The following CCDC102B variants were observed in gnomAD, a reference collection of about 807,000 sequenced individuals.
The protein encoded by CCDC102B is coiled-coil domain-containing protein 102B.
A neutral mutation model predicts 57.4 loss-of-function variants in CCDC102B; 75 were observed. The observed-to-expected ratio is 1.31, with a 90% CI of 1.08 to 1.58. CCDC102B has a LOEUF of 1.58. Ranked by LOEUF, CCDC102B falls within the 40% of genes most tolerant of loss-of-function variation. CCDC102B has a pLI of 0.00. For missense variants in CCDC102B, 636 were observed against 582.6 expected (o/e 1.09, Z -0.94); for synonymous variants, 206 against 201.9 (o/e 1.02, Z -0.17).
intron 6 of CCDC102B, among the ~76,000 whole-genome samples, chr18:68,984,039 G>A (rs2050661784): frequency 6.6e-6 from 1 of 151,866 alleles, no homozygotes; most frequent in Non-Finnish European, 1.5e-5. Context: ...TTTATCTGTA[G>A]CAACCTTTTT....
At chr18:68,775,948 G>A (rs1009932178) in intron 2 of CCDC102B, among the ~76,000 whole-genome samples, 2 of 152,100 alleles carry the variant, frequency 1.3e-5, no homozygotes, top group African/African-American at 4.8e-5. Context: ...CACAAAGCCC[G>A]GCCCCTGGAT....
intron 1 of CCDC102B, among the ~76,000 whole-genome samples, chr18:68,805,584 C>T (rs919997840): frequency 3.3e-5 from 5 of 152,096 alleles, no homozygotes; most frequent in African/African-American, 1.2e-4. Flanking sequence ...CAATACAGTC[C>T]ATTGACAGGA....
At chr18:68,756,501 TA>T (rs1256857203) in intron 2 of CCDC102B, among the ~76,000 whole-genome samples, 1 of 152,208 alleles carries the variant, frequency 6.6e-6, no homozygotes, top group African/African-American at 2.4e-5. Flanking sequence ...CAACGTTGAT[TA>T]TATATGAAAA....
intron 2 of CCDC102B, among the ~76,000 whole-genome samples, chr18:68,747,110 T>G (rs545795653): frequency 8.5e-5 from 13 of 152,186 alleles, no homozygotes; most frequent in Admixed American, 8.5e-4. Context: ...CTTCTGGCTG[T>G]TTGAAGATAT....
intron 5 of CCDC102B, among the ~76,000 whole-genome samples, chr18:68,881,514 A>G (rs1370439051): frequency 6.6e-6 from 1 of 152,162 alleles, no homozygotes; most frequent in African/African-American, 2.4e-5. Context: ...TCAGGATGCA[A>G]TTAACACTTG....
chr18:69,016,143 G>T (rs551099716), intron 7 of CCDC102B, among the ~76,000 whole-genome samples: 1 of 151,552 alleles, frequency 6.6e-6, no homozygotes, highest in Non-Finnish European at 1.5e-5. Context: ...GATTACAGGC[G>T]TGAGCCACCG....
intron 6 of CCDC102B, among the ~76,000 whole-genome samples, chr18:68,998,688 C>T (rs2051104734): frequency 6.6e-6 from 1 of 151,560 alleles, no homozygotes; most frequent in Middle Eastern, 3.2e-3. Flanking sequence ...AGTCCAAAAG[C>T]TTTCAAGGGC....
chr18:68,990,259 T>C (rs1360804346), intron 6 of CCDC102B, among the ~76,000 whole-genome samples: 1 of 152,298 alleles, frequency 6.6e-6, no homozygotes, highest in Non-Finnish European at 1.5e-5. Flanking sequence ...AATCCTACCC[T>C]ATTTCCAGGG....
intron 6 of CCDC102B, among the ~76,000 whole-genome samples, chr18:68,994,221 A>C (rs1051011106): frequency 7.9e-5 from 12 of 152,058 alleles, no homozygotes; most frequent in Non-Finnish European, 1.2e-4. Flanking sequence ...TAATTTCTTG[A>C]ATTTGTTGAT....
intron 5 of CCDC102B, among the ~76,000 whole-genome samples, 197 bp from the exon 6 acceptor site, chr18:68,897,022 A>G (rs1290472147): frequency 6.6e-6 from 1 of 152,102 alleles, no homozygotes; most frequent in Non-Finnish European, 1.5e-5. Flanking sequence ...GAGGAAAAGT[A>G]TATTTATCTA....
At chr18:68,910,928 A>AAG (rs926968397) in intron 6 of CCDC102B, among the ~76,000 whole-genome samples, 25 of 151,824 alleles carry the variant, frequency 1.6e-4, no homozygotes, top group African/African-American at 4.6e-4. Context: ...AGGGGGAAAA[A>AAG]AAAAAAACAG....
chr18:68,864,049 G>C (rs2144891227), intron 4 of CCDC102B, among the ~76,000 whole-genome samples: 1 of 151,952 alleles, frequency 6.6e-6, no homozygotes, highest in African/African-American at 2.4e-5. Context: ...CTACTGAGAT[G>C]GTCATTATTT....
chr18:68,880,161 G>C (rs978083189), intron 5 of CCDC102B, among the ~76,000 whole-genome samples: 1 of 152,188 alleles, frequency 6.6e-6, no homozygotes, highest in African/African-American at 2.4e-5. Flanking sequence ...GCTAAGGCCC[G>C]GTGAGAAATC....
chr18:68,934,594 A>C (rs2145149683), intron 6 of CCDC102B, among the ~76,000 whole-genome samples: 2 of 152,138 alleles, frequency 1.3e-5, no homozygotes, highest in Middle Eastern at 3.4e-3. Context: ...CTAAGAGGAA[A>C]TAATTTTTAC....
intron 6 of CCDC102B, among the ~76,000 whole-genome samples, chr18:68,983,973 A>G (rs1342495377): frequency 6.6e-6 from 1 of 151,962 alleles, no homozygotes; most frequent in African/African-American, 2.4e-5. Context: ...AAAAATTCCA[A>G]AAGAAATTTG....
chr18:68,965,537 C>T (rs1280158012), intron 6 of CCDC102B, among the ~76,000 whole-genome samples: 2 of 151,328 alleles, frequency 1.3e-5, no homozygotes, highest in Non-Finnish European at 2.9e-5. Context: ...CCTTGTCAGA[C>T]CAACATGGCA....
At chr18:68,722,413 ATGAGTGC>A (rs1392606023) in intron 2 of CCDC102B, among the ~76,000 whole-genome samples, 10 of 152,288 alleles carry the variant, frequency 6.6e-5, no homozygotes, top group South Asian at 4.1e-4. Flanking sequence ...CATCCAGCTT[ATGAGTGC>A]TGCTGTTATA....
intron 6 of CCDC102B, among the ~76,000 whole-genome samples, chr18:68,980,140 C>G (rs527393636): frequency 6.6e-6 from 1 of 152,056 alleles, no homozygotes; most frequent in Non-Finnish European, 1.5e-5. Context: ...TGTATCTAAA[C>G]TGCTCCATAT....
chr18:68,813,918 T>C (rs921595994), intron 1 of CCDC102B, among the ~76,000 whole-genome samples: 2 of 151,834 alleles, frequency 1.3e-5, no homozygotes, highest in African/African-American at 4.8e-5. Flanking sequence ...TGAATGTAAA[T>C]AAAAATTTTT....
Sources: allele counts gnomAD v4.1 joint callset (sites outside exome capture counted in the v4.1 genomes callset), GRCh38; gene constraint gnomAD v4.1.1; transcripts MANE v1.5; gene names NCBI Gene and HGNC (gene_info 2026-07-23, HGNC 2026-07-21).